The following ARID1A variants were observed in gnomAD, a reference collection of about 807,000 sequenced individuals.
ARID1A encodes AT-rich interactive domain-containing protein 1A.
In ARID1A, 20 loss-of-function variants were observed where a neutral mutation model predicts 212.6. The ratio of observed to expected loss-of-function variants is 0.09; its 90% CI spans 0.07 to 0.14. The LOEUF (loss-of-function observed/expected upper bound fraction) is 0.14. ARID1A is among the 10% of genes least tolerant of loss of function. ARID1A has a pLI of 1.00. For synonymous variants in ARID1A, 1,376 were observed against 1,222.1 expected, an observed-to-expected ratio of 1.13 and a Z score of -2.63; for missense variants, 2,587 against 3,059.0, an observed-to-expected ratio of 0.85 and a Z score of 3.64.
chr1:26,748,928 G>T (rs996467504), intron 4 of ARID1A, among the ~76,000 whole-genome samples: 1 of 152,024 alleles, frequency 6.6e-6, no homozygotes, highest in African/African-American at 2.4e-5. Context: ...ACTTTGGGAG[G>T]CCGAGGCAGG....
chr1:26,754,440 T>C (rs983879576), intron 4 of ARID1A, among the ~76,000 whole-genome samples: 1 of 152,238 alleles, frequency 6.6e-6, no homozygotes, highest in Non-Finnish European at 1.5e-5. Context: ...TATGTTGTTA[T>C]ATCTCTCATT....
chr1:26,773,717 G>T lies in ARID1A; in HGVS notation c.4004G>T (p.Arg1335Leu). 1 of 1,613,942 alleles carries T rather than the reference G, an allele frequency of 6.2e-7. No individual in the cohort carries two copies. The highest frequency in any genetic ancestry group is 8.5e-7 in the Non-Finnish European group (1 of 1,179,966). The change falls in exon 16 of 20, where the codon CGA (arginine) becomes CTA (leucine). Residue 1335 changes from arginine (R) to leucine (L), a missense_variant and splice_region_variant. Physicochemically the swap from Arg to Leu is moderately radical, Grantham distance 102 (BLOSUM62 -2). Around this residue, in one of 11 missense-constraint regions of ARID1A, gnomAD observed 890 missense variants for 1,098.2 expected, o/e 0.81. Coordinates refer to ENST00000324856, the MANE Select transcript of ARID1A (RefSeq NM_006015.6). Reference protein sequence around the residue: ...PPQQQQQQQQRHDSYGNQFST... With the variant: ...PPQQQQQQQQLHDSYGNQFST... The stretch of plus-strand genomic sequence containing the variant: ...CAGCAGCAGCAGCAGCAGCAGCAAC[G>T]GTGAGTAAAGCCTGGTCTCGGTGCT...
intron 4 of ARID1A, among the ~76,000 whole-genome samples, chr1:26,745,604 A>C (rs1174268580): frequency 1.3e-5 from 2 of 152,028 alleles, no homozygotes; most frequent in African/African-American, 4.8e-5. Flanking sequence ...CCCCAACTTT[A>C]CATATGACGA....
At chr1:26,723,401 G>A (rs574301141) in intron 1 of ARID1A, among the ~76,000 whole-genome samples, 32 of 152,294 alleles carry the variant, frequency 2.1e-4, no homozygotes, top group South Asian at 1.0e-3. Context: ...CACAGGAAGC[G>A]GAGGACGGGG....
At chr1:26,708,757 C>T (rs963866810) in intron 1 of ARID1A, among the ~76,000 whole-genome samples, 5 of 150,546 alleles carry the variant, frequency 3.3e-5, no homozygotes, top group East Asian at 2.0e-4. Context: ...TGCAGTGGCG[C>T]GATCTTGGCC....
intron 4 of ARID1A, among the ~76,000 whole-genome samples, chr1:26,750,788 A>C (rs1395773064): frequency 6.6e-6 from 1 of 151,612 alleles, no homozygotes; most frequent in Admixed American, 6.6e-5. Context: ...ATTCAAAGTC[A>C]CCCTCCCCAC....
rs2124107687 is a variant in ARID1A, at chr1:26,772,929, C to T, written c.3657C>T (p.Asp1219=). 6.2e-7 allele frequency: 1 copy of T among 1,614,050 alleles called. No individual in the cohort carries two copies. Among genetic ancestry groups the T allele is most frequent in the South Asian group, 1.1e-5 (1 of 91,082 alleles). ...PGYQPSMNTS[D]MMGRMSYEPN... is the part of the protein sequence containing the mutation. Reference sequence around the variant, plus strand: ...ATCAGCCCAGTATGAATACCTCTGACATGATGGGGCGCATGTCCTATGAGC... The same window carrying T: ...ATCAGCCCAGTATGAATACCTCTGATATGATGGGGCGCATGTCCTATGAGC... The change falls in exon 14 of 20, where the codon GAC becomes GAT. Residue 1219 remains aspartate (D), a synonymous_variant. Transcript: ENST00000324856.
chr1:26,721,599 G>A (rs1235911994), intron 1 of ARID1A, among the ~76,000 whole-genome samples: 1 of 152,148 alleles, frequency 6.6e-6, no homozygotes, highest in African/African-American at 2.4e-5. Flanking sequence ...GGGAGAAATT[G>A]GTTAAGTTTA....
Position 26,729,653 on chromosome 1 carries a change from A to G in ARID1A, c.1140A>G (p.Pro380=). 1.2e-6 allele frequency: 2 copies of G among 1,614,180 alleles called. No individual in the cohort carries two copies. The highest frequency in any genetic ancestry group is 1.3e-5 in the African/African-American group (1 of 75,054). ...ATGAAATGCTCTTTATTTTGTAGCC[A>G]TCCAGTCCAATGGATCAGATGGGCA... is the stretch of plus-strand genomic sequence containing the variant. ...GGQPLARTPQ[P]SSPMDQMGKM... Residue 380 remains proline, a splice_region_variant and synonymous_variant, in exon 2 of 20, where the codon CCA becomes CCG. Transcript: ENST00000324856.
In ARID1A at chr1:26,697,534, C is replaced by T. The variant is rs532591067; in HGVS notation, c.1131C>T (p.Thr377=). Residue 377 remains threonine (T), a synonymous_variant, in exon 1 of 20, where the codon ACC becomes ACT. Transcript: ENST00000324856. ...SGGGGQPLAR[T]PQPSSPMDQM... ...GCGGGGGGCAGCCGCTCGCCCGGAC[C>T]CCTCAGGTACACAGCTGAGTGGGGA... 103 of 1,381,866 alleles carry T rather than the reference C, an allele frequency of 7.5e-5. No individual in the cohort carries two copies. The African/African-American group carries it at 1.0e-3, about 14-fold the overall frequency. 85.6% of individuals were successfully genotyped at this position (1,381,866 alleles called of 1,614,324 possible).
chr1:26,750,419 C>T (rs994365763), intron 4 of ARID1A, among the ~76,000 whole-genome samples: 1 of 152,154 alleles, frequency 6.6e-6, no homozygotes, highest in Admixed American at 6.5e-5. Flanking sequence ...CTCAGTTGCC[C>T]TATTGTTGGA....
At position 26,781,435 on chromosome 1, in the gene ARID1A, A is replaced by G. The variant is rs1428849870; in HGVS notation, c.*679A>G. On this transcript the variant is annotated 3_prime_UTR_variant, in exon 20 of 20. Coordinates refer to ENST00000324856, the MANE Select transcript of ARID1A (RefSeq NM_006015.6). ...CAGCAGCAAGCTGTAGTTTTTAAAAATGTTTTTAGTTAAACGTTGAGGAGA... is the reference window on the plus strand; with the variant it reads ...CAGCAGCAAGCTGTAGTTTTTAAAAGTGTTTTTAGTTAAACGTTGAGGAGA... 4.3e-6 allele frequency: 1 copy of G among 233,278 alleles called. No individual in the cohort carries two copies. Among genetic ancestry groups the G allele is most frequent in the Non-Finnish European group, 8.5e-6 (1 of 117,894 alleles). The allele number at this position is 233,278 out of a possible 1,614,324, so 14.5% of individuals were successfully genotyped here.
rs572680423 is a variant in ARID1A at position 26,729,805 on chromosome 1, C to G, written c.1292C>G (p.Pro431Arg). The change falls in exon 2 of 20, where the codon CCG (proline) becomes CGG (arginine). Residue 431 changes from proline (P) to arginine (R), a missense_variant. Coordinates refer to ENST00000324856, the MANE Select transcript of ARID1A (RefSeq NM_006015.6). Reference protein sequence around the residue: ...PYGSQTPQRYPMTMQGRAQSA... With the variant: ...PYGSQTPQRYRMTMQGRAQSA... ...GGGTCCCAGACCCCGCAGCGGTACC[C>G]GATGACCATGCAGGGCCGGGCGCAG... is the stretch of plus-strand genomic sequence containing the variant. The G allele has an allele frequency of 6.2e-7, 1 of 1,614,240 alleles. No homozygotes were observed. The highest frequency in any genetic ancestry group is 2.2e-5 in the East Asian group (1 of 44,894).
intron 1 of ARID1A, among the ~76,000 whole-genome samples, chr1:26,706,056 A>G (rs2080389026): frequency 6.6e-6 from 1 of 152,198 alleles, no homozygotes; most frequent in African/African-American, 2.4e-5. Flanking sequence ...ATGTTGATAT[A>G]AATACTAAGG....
Position 26,779,070 on chromosome 1 carries a change from G to GTC in ARID1A, c.5172_5173insTC (p.Ile1725SerfsTer8). On this transcript the variant is annotated frameshift_variant, in exon 20 of 20. Coordinates refer to ENST00000324856, the MANE Select transcript of ARID1A (RefSeq NM_006015.6). LOFTEE classifies it high-confidence loss of function. ...TTGTAGAATATTTCCGACGATGCCT[G>GTC]ATTGAGATCTTTGGCATTTTAAAGG... 4 of 1,512,898 alleles carry GTC rather than the reference G, an allele frequency of 2.6e-6. No homozygotes were observed. The highest frequency in any genetic ancestry group is 2.3e-5 in the Admixed American group (1 of 44,350). The allele number at this position is 1,512,898 out of a possible 1,614,324, so 93.7% of individuals were successfully genotyped here. A position where few individuals can be genotyped will look rare whatever the true frequency, so the allele number is the denominator to read the frequency against.
rs375417370 is a variant in ARID1A, at chr1:26,772,500, C to T, written c.3407C>T (p.Ala1136Val). The change falls in exon 13 of 20, where the codon GCG (alanine) becomes GTG (valine). Residue 1136 changes from alanine (A) to valine (V), a missense_variant and splice_region_variant. By Grantham distance (64) the Ala-to-Val change is moderately conservative. This residue lies in a region of ARID1A where 890 missense variants were observed against 1,098.2 expected (regional missense o/e 0.81). Transcript: ENST00000324856. ...ACTCAACTTGTATCTCTGTCCACAG[C>T]GGGATCAGGATCTATGCAGGGGCCC... Reference protein sequence around the residue: ...SQPKIQPPSPAGSGSMQGPQT... With the variant: ...SQPKIQPPSPVGSGSMQGPQT... 2.5e-5 allele frequency: 41 copies of T among 1,614,078 alleles called. No homozygotes were observed. Among genetic ancestry groups the T allele is most frequent in the South Asian group, 5.5e-5 (5 of 91,086 alleles).
At chr1:26,743,607 G>A (rs981582165) in intron 4 of ARID1A, among the ~76,000 whole-genome samples, 50 of 151,566 alleles carry the variant, frequency 3.3e-4, no homozygotes, top group Non-Finnish European at 4.0e-4. Context: ...AGGCTGAGGC[G>A]GGTCATCATG....
rs397860721 is a variant in ARID1A at position 26,708,266 on chromosome 1, CTTTTTTTTTTTTTTTTTTTT to C, written c.1137+10743_1137+10762del. On this transcript the variant is annotated intron_variant, in intron 1 of 19. Coordinates refer to ENST00000324856, the MANE Select transcript of ARID1A (RefSeq NM_006015.6). ...TCAGCCTTTAAGATACAGTCCTTCACTTTTTTTTTTTTTTTTTTTTTTTTTTTTTTTTTTTTGAGACGGAG... is the reference window on the plus strand; with the variant it reads ...TCAGCCTTTAAGATACAGTCCTTCACTTTTTTTTTTTTTTTTGAGACGGAG... Among the ~76,000 whole-genome samples the C allele has an allele frequency of 5.9e-4, 14 of 23,754 alleles. No individual in the cohort carries two copies. The South Asian group carries it at 0.015, about 25-fold the overall frequency. 15.6% of individuals were successfully genotyped at this position (23,754 alleles called of 152,430 possible).
chr1:26,702,677 G>T (rs1448995258), intron 1 of ARID1A, among the ~76,000 whole-genome samples: 2 of 152,152 alleles, frequency 1.3e-5, no homozygotes, highest in East Asian at 3.8e-4. Context: ...TGGGGAAAAA[G>T]ACTTGGGGAT....
Sources: allele counts gnomAD v4.1 joint callset (sites outside exome capture counted in the v4.1 genomes callset), GRCh38; gene constraint gnomAD v4.1.1; regional missense constraint gnomAD v4.1.1; transcripts MANE v1.5; gene names NCBI Gene and HGNC (gene_info 2026-07-23, HGNC 2026-07-21).